SDK2: variants seen among roughly 807,000 people sequenced by gnomAD.
SDK2 encodes the protein protein sidekick-2.
In SDK2, 105 loss-of-function variants were observed where a neutral mutation model predicts 253.9. The ratio of observed to expected loss-of-function variants is 0.41; its 90% CI spans 0.35 to 0.49. The LOEUF (loss-of-function observed/expected upper bound fraction) is 0.49. Ranked by LOEUF, SDK2 falls within the 20% of genes least tolerant of loss-of-function variation. The pLI is 0.06. For missense variants in SDK2, 2,608 were observed against 3,003.0 expected, an observed-to-expected ratio of 0.87 and a Z score of 3.07; for synonymous variants, 1,249 against 1,234.9, an observed-to-expected ratio of 1.01 and a Z score of -0.24.
intron 1 of SDK2, chr17:73,518,668 G>A (rs546389715): frequency 1.3e-5 from 2 of 152,164 alleles, no homozygotes; most frequent in African/African-American, 2.4e-5. Context: ...TTATACCATC[G>A]ATTAGAATGT....
At chr17:73,515,640 A>G (rs181217126) in intron 1 of SDK2, among the ~76,000 whole-genome samples, 62 of 152,368 alleles carry the variant, frequency 4.1e-4, no homozygotes, top group Non-Finnish European at 5.3e-4. Context: ...GCCAAGTAAA[A>G]TGAAGCAGAG....
At chr17:73,545,779 G>T (rs549391173) in intron 1 of SDK2, among the ~76,000 whole-genome samples, 4 of 152,304 alleles carry the variant, frequency 2.6e-5, no homozygotes, top group South Asian at 4.1e-4. Context: ...GGGATGCCCC[G>T]CCTGTCTGTC....
chr17:73,561,992 GGT>G (rs2045242624), intron 1 of SDK2, among the ~76,000 whole-genome samples: 1 of 152,140 alleles, frequency 6.6e-6, no homozygotes, highest in Admixed American at 6.5e-5. Flanking sequence ...TGGGCGTGGT[GGT>G]GTGCGCCTGT....
chr17:73,373,428 G>A (rs1460698900), intron 36 of SDK2, among the ~76,000 whole-genome samples: 1 of 152,190 alleles, frequency 6.6e-6, no homozygotes, highest in Non-Finnish European at 1.5e-5. Context: ...ATTTTCTGCG[G>A]AACTTCCATA....
intron 1 of SDK2, among the ~76,000 whole-genome samples, chr17:73,589,221 C>T (rs2045648468): frequency 6.6e-6 from 1 of 152,278 alleles, no homozygotes; most frequent in Admixed American, 6.5e-5. Flanking sequence ...AATTCACGCT[C>T]CAGCTCACAG....
chr17:73,471,107 T>C (rs2063647124), intron 3 of SDK2, among the ~76,000 whole-genome samples: 1 of 152,158 alleles, frequency 6.6e-6, no homozygotes, highest in Non-Finnish European at 1.5e-5. Flanking sequence ...AGAAGGCCGT[T>C]ACCCACAAAG....
intron 1 of SDK2, among the ~76,000 whole-genome samples, chr17:73,524,049 TTAC>T (rs1488724400): frequency 6.6e-6 from 1 of 152,196 alleles, no homozygotes; most frequent in African/African-American, 2.4e-5. Flanking sequence ...TGATCATCCC[TTAC>T]CTGCCCCTGC....
intron 12 of SDK2, among the ~76,000 whole-genome samples, chr17:73,428,524 G>T (rs757760110): frequency 6.6e-6 from 1 of 152,254 alleles, no homozygotes; most frequent in East Asian, 1.9e-4. Context: ...TTTCTATTAG[G>T]TTGGTGCAAA....
intron 1 of SDK2, among the ~76,000 whole-genome samples, chr17:73,600,775 T>G (rs193098697): frequency 3.4e-4 from 52 of 152,262 alleles, no homozygotes; most frequent in Admixed American, 3.1e-3. Flanking sequence ...GCCTGGTCCA[T>G]CCTATCTCCA....
intron 36 of SDK2, among the ~76,000 whole-genome samples, chr17:73,376,192 C>CAA (rs368856491): frequency 3.1e-5 from 4 of 128,368 alleles, no homozygotes; most frequent in Non-Finnish European, 3.4e-5. Context: ...GACTCCGTGT[C>CAA]AAAAAAAAAA....
At chr17:73,538,693 G>A (rs2044819062) in intron 1 of SDK2, among the ~76,000 whole-genome samples, 1 of 152,166 alleles carries the variant, frequency 6.6e-6, no homozygotes, top group African/African-American at 2.4e-5. Flanking sequence ...TCCTCTGGAA[G>A]CACCCACCTC....
intron 2 of SDK2, among the ~76,000 whole-genome samples, chr17:73,478,989 C>T (rs1243549905): frequency 6.6e-6 from 1 of 152,270 alleles, no homozygotes; most frequent in Non-Finnish European, 1.5e-5. Context: ...AACGCACATT[C>T]ATGCACGCCG....
chr17:73,355,174 A>ATATATATATT, intron 40 of SDK2, among the ~76,000 whole-genome samples: 2 of 47,240 alleles, frequency 4.2e-5, no homozygotes, highest in African/African-American at 1.6e-4. Context: ...ATATATATAT[A>ATATATATATT]TTTTTTTTTT....
intron 43 of SDK2, among the ~76,000 whole-genome samples, chr17:73,350,013 A>AC (rs35161652): frequency 0.67 from 101,397 of 152,030 alleles, 37,802 homozygotes; most frequent in East Asian, 0.81. Context: ...GTGCGCCCTC[A>AC]CCCCCAGGCT....
rs2062928661 is a variant in SDK2, at chr17:73,391,574, G to T, written c.3899-36C>A. ...CAAAGGAGAGGAGGCCGACCCATGA[G>T]GCTGCCGCTCAGCTGGGGATGAGCC... On this transcript the variant is annotated intron_variant, in intron 27 of 44. Coordinates refer to ENST00000392650, the MANE Select transcript of SDK2 (RefSeq NM_001144952.2). 4 of 1,170,962 alleles carry T rather than the reference G, an allele frequency of 3.4e-6. No homozygotes were observed. The East Asian group carries it at 1.2e-4, about 36-fold the overall frequency. The allele number at this position is 1,170,962 out of a possible 1,614,324, so 72.5% of individuals were successfully genotyped here.
At chr17:73,474,836 G>A (rs2063674859) in intron 2 of SDK2, among the ~76,000 whole-genome samples, 1 of 152,180 alleles carries the variant, frequency 6.6e-6, no homozygotes, top group South Asian at 2.1e-4. Context: ...AATGGAATCA[G>A]ATATTATTAA....
At chr17:73,483,661 G>GTA (rs61050632) in intron 2 of SDK2, among the ~76,000 whole-genome samples, 13 of 70,192 alleles carry the variant, frequency 1.9e-4, no homozygotes, top group East Asian at 1.5e-3. Context: ...GTGTGTGTGT[G>GTA]TATATATATA....
chr17:73,581,052 G>GTTT (rs55920887), intron 1 of SDK2, among the ~76,000 whole-genome samples: 1 of 148,922 alleles, frequency 6.7e-6, no homozygotes, highest in Non-Finnish European at 1.5e-5. Flanking sequence ...GTATTTTTTG[G>GTTT]TTTTTTTTTT....
intron 18 of SDK2, among the ~76,000 whole-genome samples, chr17:73,413,775 C>T (rs2063157938): frequency 6.6e-6 from 1 of 152,170 alleles, no homozygotes; most frequent in Non-Finnish European, 1.5e-5. Context: ...CATAGAGTAG[C>T]TGCTCAATAA....
Sources: allele counts gnomAD v4.1 joint callset (sites outside exome capture counted in the v4.1 genomes callset), GRCh38; gene constraint gnomAD v4.1.1; transcripts MANE v1.5; gene names NCBI Gene and HGNC (gene_info 2026-07-23, HGNC 2026-07-21).